ADGRF5: variants seen among roughly 807,000 people sequenced by gnomAD.
The protein encoded by ADGRF5 is G-protein coupled receptor 116.
A neutral mutation model predicts 132.3 loss-of-function variants in ADGRF5; 75 were observed. The ratio of observed to expected loss-of-function variants is 0.57; its 90% CI spans 0.47 to 0.69. The LOEUF is 0.69. Ranked by LOEUF, ADGRF5 falls within the 30% of genes least tolerant of loss-of-function variation. The pLI is 0.00. For synonymous variants in ADGRF5, 629 were observed against 597.6 expected, an observed-to-expected ratio of 1.05 and a Z score of -0.77; for missense variants, 1,516 against 1,630.6, an observed-to-expected ratio of 0.93 and a Z score of 1.21.
chr6:46,942,233 C>T (rs1778116349), intron 1 of ADGRF5, among the ~76,000 whole-genome samples: 1 of 152,176 alleles, frequency 6.6e-6, no homozygotes, highest in South Asian at 2.1e-4. Context: ...TTATGGGCTC[C>T]TCCACTGTCC....
At chr6:46,942,972 C>A (rs943302439) in intron 1 of ADGRF5, among the ~76,000 whole-genome samples, 30 of 152,132 alleles carry the variant, frequency 2.0e-4, no homozygotes, top group African/African-American at 5.8e-4. Flanking sequence ...AGGCTATAGG[C>A]ATTGACCAAT....
At chr6:46,919,499 G>A (rs1330858462) in intron 1 of ADGRF5, among the ~76,000 whole-genome samples, 5 of 152,214 alleles carry the variant, frequency 3.3e-5, no homozygotes, top group Admixed American at 2.0e-4. Flanking sequence ...CCTCATTAAC[G>A]TGAGGAGGTG....
intron 1 of ADGRF5, among the ~76,000 whole-genome samples, chr6:46,935,155 C>T (rs758142982): frequency 1.3e-5 from 2 of 151,852 alleles, no homozygotes; most frequent in Non-Finnish European, 2.9e-5. Flanking sequence ...AGGCGTGTGC[C>T]ACAAGGCCCG....
At chr6:46,954,245 C>G (rs1034811671) in intron 1 of ADGRF5, among the ~76,000 whole-genome samples, 1 of 150,134 alleles carries the variant, frequency 6.7e-6, no homozygotes, top group African/African-American at 2.4e-5. Context: ...ACAAAGTACT[C>G]TTTTTTTTTT....
In ADGRF5 at chr6:46,869,008, T is replaced by C. The variant is rs753913356; in HGVS notation, c.1496A>G (p.Tyr499Cys). The C allele has an allele frequency of 1.9e-6, 3 of 1,612,956 alleles. No individual in the cohort carries two copies. The highest frequency in any genetic ancestry group is 2.2e-5 in the East Asian group (1 of 44,890). Residue 499 changes from tyrosine (Y) to cysteine (C), a missense_variant, in exon 12 of 21, where the codon TAT becomes TGT. Transcript: ENST00000283296. ...AGAAGTGTTCCAATAAACCTCATCATAGTTACTCACATCACTGATGCATTT... is the reference window on the plus strand; with the variant it reads ...AGAAGTGTTCCAATAAACCTCATCACAGTTACTCACATCACTGATGCATTT... ...SIKCISDVSN[Y>C]DEVYWNTSAG...
chr6:46,930,385 A>G (rs535952416), intron 1 of ADGRF5, among the ~76,000 whole-genome samples: 1 of 152,318 alleles, frequency 6.6e-6, no homozygotes, highest in South Asian at 2.1e-4. Flanking sequence ...TGACTCAGGT[A>G]TCTTTGAAAT....
At chr6:46,947,032 T>A (rs1362739253) in intron 1 of ADGRF5, among the ~76,000 whole-genome samples, 1 of 152,184 alleles carries the variant, frequency 6.6e-6, no homozygotes, top group Non-Finnish European at 1.5e-5. Flanking sequence ...GTTGAGTTTG[T>A]GTGTTTGTAT....
chr6:46,881,733 A>G, intron 7 of ADGRF5, 136 bp from the exon 8 acceptor site: 2 of 696,212 alleles, frequency 2.9e-6, no homozygotes, highest in South Asian at 3.9e-5. Context: ...CTGACTGGCC[A>G]GCAGGATCTT....
chr6:46,912,400 G>T (rs35965624), intron 1 of ADGRF5, among the ~76,000 whole-genome samples: 14,549 of 152,130 alleles, frequency 0.096, 824 homozygotes, highest in East Asian at 0.18. Flanking sequence ...ATGTGAAAAG[G>T]CCCTGAGGTG....
Position 46,879,940 on chromosome 6 carries a change from C to T in ADGRF5, c.914G>A (p.Arg305His), listed in dbSNP as rs139730967. The T allele has an allele frequency of 4.5e-5, 73 of 1,613,784 alleles. No individual in the cohort carries two copies. The highest frequency in any genetic ancestry group is 5.6e-5 in the Non-Finnish European group (66 of 1,179,788). Residue 305 changes from arginine to histidine, a missense_variant, in exon 9 of 21, where the codon CGC (arginine) becomes CAC (histidine). Arg to His is a conservative substitution (Grantham distance 29). Transcript: ENST00000283296. ...GATTTCCAACTGCTGTTCTTCATAG[C>T]GCCAAGACACATTGGAGGACAAAAC... Reference protein sequence around the residue: ...KEVLSSNVSWRYEEQQLEIQN... With the variant: ...KEVLSSNVSWHYEEQQLEIQN...
rs1240387423 is a variant in ADGRF5 at position 46,854,014 on chromosome 6, C to G, written c.4019G>C (p.Ser1340Thr). The change falls in exon 21 of 21, where the codon AGT (serine) becomes ACT (threonine). Residue 1340 changes from serine (S) to threonine (T), a missense_variant. Coordinates refer to ENST00000283296, the MANE Select transcript of ADGRF5 (RefSeq NM_001098518.2). Reference protein sequence around the residue: ...ATSSSLENSSSASSLLN With the variant: ...ATSSSLENSSTASSLLN The stretch of plus-strand genomic sequence containing the variant: ...TTCTTAGTTGAGCAACGAAGAAGCA[C>G]TGGATGAGTTTTCCAGGGATGAGCT... 1 of 1,605,524 alleles carries G rather than the reference C, an allele frequency of 6.2e-7. No homozygotes were observed. Among genetic ancestry groups the G allele is most frequent in the Admixed American group, 1.7e-5 (1 of 59,380 alleles).
At chr6:46,920,502 G>A (rs1420311163) in intron 1 of ADGRF5, among the ~76,000 whole-genome samples, 3 of 112,636 alleles carry the variant, frequency 2.7e-5, no homozygotes, top group Non-Finnish European at 5.0e-5. Flanking sequence ...TGGTAACACA[G>A]AAAACAATTG....
intron 1 of ADGRF5, among the ~76,000 whole-genome samples, chr6:46,943,788 C>T (rs1004139497): frequency 6.6e-6 from 1 of 152,128 alleles, no homozygotes; most frequent in African/African-American, 2.4e-5. Flanking sequence ...TATTATGCTT[C>T]AAGATAGGCT....
intron 13 of ADGRF5, among the ~76,000 whole-genome samples, 157 bp downstream of exon 13, chr6:46,866,768 A>G (rs996429001): frequency 6.6e-6 from 1 of 152,182 alleles, no homozygotes; most frequent in Non-Finnish European, 1.5e-5. Context: ...CTAGCCACAT[A>G]GCAAAATAGA....
At chr6:46,857,269 A>G (rs538271407) in intron 17 of ADGRF5, among the ~76,000 whole-genome samples, 2 of 152,328 alleles carry the variant, frequency 1.3e-5, no homozygotes, top group Admixed American at 6.5e-5. Flanking sequence ...GAGGCATATC[A>G]TGAAGGTCAT....
In ADGRF5 at chr6:46,872,388, C is replaced by T. The variant is rs192680357; in HGVS notation, c.1241-375G>A. ...TGACTGGGGCCTTCCCCAACAAAGA[C>T]CATGAGCGATGGTTTTTTGAATGTG... On this transcript the variant is annotated intron_variant, in intron 10 of 20. Coordinates refer to ENST00000283296, the MANE Select transcript of ADGRF5 (RefSeq NM_001098518.2). Among the ~76,000 whole-genome samples, 205 of 152,184 alleles carry T rather than the reference C, an allele frequency of 1.3e-3. 1 individual carries two copies. The highest frequency in any genetic ancestry group is 4.5e-3 in the African/African-American group (188 of 41,512).
intron 12 of ADGRF5, among the ~76,000 whole-genome samples, chr6:46,868,271 C>G (rs936332661): frequency 6.6e-6 from 1 of 152,140 alleles, no homozygotes; most frequent in African/African-American, 2.4e-5. Context: ...TCTCAGTTTC[C>G]TCATCTGTAA....
At chr6:46,854,708 A>C (rs1581706264) in intron 20 of ADGRF5, 1 of 1,282,224 alleles carries the variant, frequency 7.8e-7, no homozygotes, top group Non-Finnish European at 1.0e-6. Context: ...TGAAGTGCCC[A>C]CCCTACCATC....
At chr6:46,930,087 C>T (rs540159608) in intron 1 of ADGRF5, among the ~76,000 whole-genome samples, 9 of 151,990 alleles carry the variant, frequency 5.9e-5, no homozygotes, top group South Asian at 2.1e-4. Context: ...TCCCAAAGTG[C>T]TGGGATTACA....
Sources: allele counts gnomAD v4.1 joint callset (sites outside exome capture counted in the v4.1 genomes callset), GRCh38; gene constraint gnomAD v4.1.1; transcripts MANE v1.5; gene names NCBI Gene and HGNC (gene_info 2026-07-23, HGNC 2026-07-21).